Variants in CEP162 observed in about 807,000 individuals in gnomAD.
CEP162 encodes centrosomal protein 162, also known as centrosomal protein of 162 kDa.
Under a neutral mutation model 169.2 loss-of-function variants are expected in CEP162, and 141 were observed. That is an observed-to-expected ratio of 0.83 (90% CI 0.73 to 0.96). CEP162 has a LOEUF of 0.96. Among genes scored for constraint, CEP162 ranks in the 40% least tolerant of loss-of-function variants. The pLI, the probability that CEP162 is intolerant of heterozygous loss-of-function variation, is 0.00. For missense variants in CEP162, 1,600 were observed against 1,587.2 expected (o/e 1.01, Z -0.14); for synonymous variants, 540 against 526.4 (o/e 1.03, Z -0.35).
At chr6:84,209,309 C>A (rs746123352) in intron 6 of CEP162, among the ~76,000 whole-genome samples, 7 of 151,726 alleles carry the variant, frequency 4.6e-5, no homozygotes, top group Non-Finnish European at 7.4e-5. Flanking sequence ...ATGTAATATG[C>A]ACTGTATATA....
intron 17 of CEP162, 28 bp downstream of exon 17, chr6:84,171,578 T>G: frequency 1.1e-6 from 1 of 875,492 alleles, no homozygotes; most frequent in East Asian, 2.9e-5. Context: ...TAAGTATATT[T>G]GATTTTAAGA....
intron 9 of CEP162, among the ~76,000 whole-genome samples, chr6:84,195,322 C>T (rs2099541674): frequency 6.6e-6 from 1 of 152,202 alleles, no homozygotes; most frequent in Admixed American, 6.5e-5. Flanking sequence ...CTTTCTCCTA[C>T]TATTCTTAAT....
At chr6:84,215,222 A>G in intron 5 of CEP162, 60 bp downstream of exon 5, 1 of 920,946 alleles carries the variant, frequency 1.1e-6, no homozygotes. Context: ...TCACACATAT[A>G]TCAGCCTTCC....
intron 23 of CEP162, 100 bp from the exon 24 acceptor site, chr6:84,149,803 A>G: frequency 9.9e-7 from 1 of 1,013,656 alleles, no homozygotes; most frequent in Non-Finnish European, 1.4e-6. Context: ...GAATTAAGCA[A>G]GGGGAAAATG....
In CEP162 at chr6:84,124,902, G is replaced by A; in HGVS notation, c.*168C>T. 1.6e-6 allele frequency: 1 copy of A among 633,608 alleles called. No individual in the cohort carries two copies. The highest frequency in any genetic ancestry group is 2.8e-5 in the East Asian group (1 of 35,814). The allele number at this position is 633,608 out of a possible 1,614,324, so 39.2% of individuals were successfully genotyped here. ...TTTTTAGTAAAATACACCATTATAT[G>A]TTTTTTTTCTTATTGGTTAAAGGCA... is the stretch of plus-strand genomic sequence containing the variant. On this transcript the variant is annotated 3_prime_UTR_variant, in exon 27 of 27. Transcript: ENST00000403245.
At position 84,148,571 on chromosome 6, in the gene CEP162, C is replaced by A. The variant is rs1292007809; in HGVS notation, c.3771+991G>T. 2.0e-5 allele frequency among the ~76,000 whole-genome samples: 3 copies of A among 152,070 alleles called. No individual in the cohort carries two copies. The East Asian group carries it at 5.8e-4, about 29-fold the overall frequency. ...CTCTTTAGAATAAGGGCATTTCTCACAAAACCATAACATTTTATACCTAAG... is the reference window on the plus strand; with the variant it reads ...CTCTTTAGAATAAGGGCATTTCTCAAAAAACCATAACATTTTATACCTAAG... On this transcript the variant is annotated intron_variant, in intron 24 of 26. Transcript: ENST00000403245.
rs1340426213 is a variant in CEP162 at position 84,134,917 on chromosome 6, T to TAC, written c.3871-8406_3871-8405insGT. Among the ~76,000 whole-genome samples the TAC allele has an allele frequency of 3.4e-3, 250 of 73,572 alleles. 1 individual carries two copies. Among genetic ancestry groups the TAC allele is most frequent in the African/African-American group, 0.011 (242 of 21,716 alleles). 48.3% of individuals were successfully genotyped at this position (73,572 alleles called of 152,430 possible). A position where few individuals can be genotyped will look rare whatever the true frequency, so the allele number is the denominator to read the frequency against. ...TATATACTGTCATGAAAAGATCATA[T>TAC]ATACACACACACACACACACACACA... On this transcript the variant is annotated intron_variant, in intron 25 of 26. Transcript: ENST00000403245.
rs759264920 is a variant in CEP162 at position 84,171,655 on chromosome 6, G to A, written c.2230C>T (p.Arg744Ter). The change falls in exon 17 of 27, where the codon CGA (arginine) becomes TGA (stop). Residue 744 changes from arginine to a stop codon, truncating the protein, a stop_gained. Coordinates refer to ENST00000403245, the MANE Select transcript of CEP162 (RefSeq NM_014895.4). LOFTEE classifies it high-confidence loss of function. Reference protein sequence around the residue: ...LQEQNKKNEERMFKENQSLFS... With the variant: ...LQEQNKKNEE ...AAACTTTGGTTTTCCTTAAACATTC[G>A]CTCCTCATTTTTCTTGTTTTGTTCT... 7.3e-5 allele frequency: 113 copies of A among 1,549,526 alleles called. No individual in the cohort carries two copies. Among genetic ancestry groups the A allele is most frequent in the Non-Finnish European group, 9.3e-5 (107 of 1,149,192 alleles).
chr6:84,185,255 GTTTTC>G lies in CEP162; in HGVS notation c.1590_1594del (p.Lys530AsnfsTer21). The G allele has an allele frequency of 6.2e-7, 1 of 1,613,552 alleles. No homozygotes were observed. The highest frequency in any genetic ancestry group is 1.7e-4 in the Middle Eastern group (1 of 6,060). On this transcript the variant is annotated frameshift_variant, in exon 13 of 27. Transcript: ENST00000403245. LOFTEE classifies it high-confidence loss of function. ...TTTGCTTTTTATAATGTCCTCTGAAGTTTTCTTTTCAAGAGTAGAAAACATCTTGA... is the reference window on the plus strand; with the variant it reads ...TTTGCTTTTTATAATGTCCTCTGAAGTTTTCAAGAGTAGAAAACATCTTGA...
chr6:84,166,799 A>G (rs73750532), intron 18 of CEP162, among the ~76,000 whole-genome samples: 3,295 of 152,300 alleles, frequency 0.022, 117 homozygotes, highest in African/African-American at 0.074. Context: ...AAAGTAGACT[A>G]TACATAAATC....
chr6:84,154,516 G>A (rs547825757), intron 22 of CEP162, among the ~76,000 whole-genome samples: 18 of 152,110 alleles, frequency 1.2e-4, no homozygotes, highest in Admixed American at 8.5e-4. Flanking sequence ...GGAATCTAAT[G>A]TTCTGTCATT....
At chr6:84,209,532 G>A (rs1024135295) in intron 6 of CEP162, among the ~76,000 whole-genome samples, 12 of 151,720 alleles carry the variant, frequency 7.9e-5, no homozygotes, top group Non-Finnish European at 1.5e-4. Context: ...CCGCCACCAC[G>A]CCCGGCTAAT....
Position 84,124,805 on chromosome 6 carries a change from G to T in CEP162, c.*265C>A. On this transcript the variant is annotated 3_prime_UTR_variant, in exon 27 of 27. Coordinates refer to ENST00000403245, the MANE Select transcript of CEP162 (RefSeq NM_014895.4). ...CAATTTTCTTTTCTTTCTATTTCTA[G>T]CATACAAGTGAGCCCTTCTCTGCTA... 2.4e-6 allele frequency: 1 copy of T among 418,320 alleles called. No individual in the cohort carries two copies. Among genetic ancestry groups the T allele is most frequent in the Non-Finnish European group, 4.2e-6 (1 of 238,574 alleles). The allele number at this position is 418,320 out of a possible 1,614,324, so 25.9% of individuals were successfully genotyped here. A position where few individuals can be genotyped will look rare whatever the true frequency, so the allele number is the denominator to read the frequency against.
chr6:84,224,401 T>C (rs1427566458), intron 2 of CEP162, among the ~76,000 whole-genome samples: 1 of 152,138 alleles, frequency 6.6e-6, no homozygotes, highest in Non-Finnish European at 1.5e-5. Context: ...AACAAGGAGA[T>C]GGAGTAACTG....
chr6:84,157,865 C>T (rs545937398), intron 21 of CEP162, among the ~76,000 whole-genome samples: 19 of 152,186 alleles, frequency 1.2e-4, no homozygotes, highest in Admixed American at 3.9e-4. Context: ...CTGACTCTGC[C>T]GGAAGCTCTA....
At chr6:84,221,016 T>C in intron 3 of CEP162, 41 bp downstream of exon 3, 2 of 1,055,374 alleles carry the variant, frequency 1.9e-6, no homozygotes, top group Non-Finnish European at 3.0e-6. Flanking sequence ...ACTGACCCCT[T>C]GTGGTCAAAT....
chr6:84,225,533 A>G (rs79991522), intron 2 of CEP162, among the ~76,000 whole-genome samples: 3,903 of 152,292 alleles, frequency 0.026, 154 homozygotes, highest in African/African-American at 0.09. Context: ...TGTACACAGA[A>G]CGTGGTATAA....
At position 84,155,407 on chromosome 6, in the gene CEP162, A is replaced by G; in HGVS notation, c.2885T>C (p.Val962Ala). The change falls in exon 22 of 27, where the codon GTG (valine) becomes GCG (alanine). Residue 962 changes from valine to alanine, a missense_variant. Transcript: ENST00000403245. ...AAGDTVDKNT[V>A]EFMEKRIKKL... Reference sequence around the variant, plus strand: ...TTTTATCCTTTTCTCCATAAATTCCACTGTATTTTTATCCACTGTATCACC... The same window carrying G: ...TTTTATCCTTTTCTCCATAAATTCCGCTGTATTTTTATCCACTGTATCACC... The G allele has an allele frequency of 6.2e-7, 1 of 1,613,408 alleles. No individual in the cohort carries two copies. The highest frequency in any genetic ancestry group is 8.5e-7 in the Non-Finnish European group (1 of 1,179,598).
chr6:84,176,953 A>C (rs1167605059), intron 13 of CEP162, among the ~76,000 whole-genome samples: 1 of 152,068 alleles, frequency 6.6e-6, no homozygotes, highest in Non-Finnish European at 1.5e-5. Context: ...ATTTTTTAAA[A>C]ATTTTAATAA....
Sources: gnomAD v4.1 joint callset for allele counts (sites outside exome capture counted in the v4.1 genomes callset) on GRCh38, gnomAD v4.1.1 for gene constraint, MANE v1.5 for transcripts, NCBI Gene and HGNC (gene_info 2026-07-23, HGNC 2026-07-21) for gene names.